The following ATP8A2 variants were observed in gnomAD, a reference collection of about 807,000 sequenced individuals.
ATP8A2 encodes ATPase phospholipid transporting 8A2.
Under a neutral mutation model 165.6 loss-of-function variants are expected in ATP8A2, and 100 were observed. The ratio of observed to expected loss-of-function variants is 0.60; its 90% CI spans 0.51 to 0.71. ATP8A2 has a LOEUF of 0.71. ATP8A2 is among the 30% of genes least tolerant of loss of function. The pLI, the probability that ATP8A2 is intolerant of heterozygous loss-of-function variation, is 0.00. For synonymous variants in ATP8A2, 543 were observed against 548.8 expected, an observed-to-expected ratio of 0.99 and a Z score of 0.15; for missense variants, 1,227 against 1,479.5, an observed-to-expected ratio of 0.83 and a Z score of 2.80.
intron 24 of ATP8A2, among the ~76,000 whole-genome samples, chr13:25,626,271 G>A (rs1220406596): frequency 6.6e-6 from 1 of 152,142 alleles, no homozygotes; most frequent in Non-Finnish European, 1.5e-5. Context: ...TTTAGCTAAT[G>A]GTTCTGGAGG....
At chr13:25,561,525 A>G (rs1447657147) in intron 15 of ATP8A2, among the ~76,000 whole-genome samples, 1 of 149,874 alleles carries the variant, frequency 6.7e-6, no homozygotes, top group Admixed American at 6.6e-5. Flanking sequence ...CACCCTCCCT[A>G]CTGCCCACCC....
intron 35 of ATP8A2, among the ~76,000 whole-genome samples, chr13:26,009,990 T>C (rs1192148884): frequency 2.6e-5 from 4 of 152,066 alleles, no homozygotes; most frequent in Non-Finnish European, 5.9e-5. Flanking sequence ...CGCTTGAACC[T>C]AGTAGGCAGA....
At chr13:25,498,343 A>C (rs887872261) in intron 2 of ATP8A2, among the ~76,000 whole-genome samples, 1 of 152,226 alleles carries the variant, frequency 6.6e-6, no homozygotes, top group Non-Finnish European at 1.5e-5. Context: ...ATTTCTCATC[A>C]TAGAAATAAA....
chr13:25,742,742 G>A (rs1305124260), intron 25 of ATP8A2, among the ~76,000 whole-genome samples: 1 of 150,256 alleles, frequency 6.7e-6, no homozygotes, highest in East Asian at 2.0e-4. Context: ...TATGAGCTGG[G>A]AACTCATGAC....
chr13:25,683,233 C>T (rs74042142), intron 24 of ATP8A2, among the ~76,000 whole-genome samples: 7,693 of 152,182 alleles, frequency 0.051, 652 homozygotes, highest in African/African-American at 0.17. Flanking sequence ...GACATTAAGC[C>T]TGTAGCAGCT....
chr13:25,499,488 C>T (rs1248555682), intron 2 of ATP8A2, among the ~76,000 whole-genome samples: 1 of 152,140 alleles, frequency 6.6e-6, no homozygotes, highest in Non-Finnish European at 1.5e-5. Flanking sequence ...GCTATGTGAG[C>T]CTGGGCCAGT....
At chr13:25,671,935 T>C (rs894774856) in intron 24 of ATP8A2, among the ~76,000 whole-genome samples, 7 of 152,166 alleles carry the variant, frequency 4.6e-5, no homozygotes, top group African/African-American at 1.2e-4. Context: ...TCACGGGACC[T>C]ACCGACGTGT....
chr13:25,471,608 G>T (rs2035848866), intron 2 of ATP8A2, among the ~76,000 whole-genome samples: 1 of 152,202 alleles, frequency 6.6e-6, no homozygotes, highest in South Asian at 2.1e-4. Context: ...CTCCCAAAGT[G>T]CTGGAATTAC....
At chr13:25,870,544 G>T (rs1030306819) in intron 33 of ATP8A2, among the ~76,000 whole-genome samples, 8 of 152,126 alleles carry the variant, frequency 5.3e-5, no homozygotes, top group African/African-American at 1.9e-4. Context: ...TTTAATATAT[G>T]CAGTTACATG....
At chr13:25,964,749 A>G (rs941164082) in intron 34 of ATP8A2, among the ~76,000 whole-genome samples, 3 of 152,208 alleles carry the variant, frequency 2.0e-5, no homozygotes, top group Non-Finnish European at 4.4e-5. Flanking sequence ...TGATGGCAGC[A>G]TGTGGTGATG....
intron 33 of ATP8A2, among the ~76,000 whole-genome samples, chr13:25,960,509 G>T (rs1032948733): frequency 1.3e-5 from 2 of 152,148 alleles, no homozygotes; most frequent in East Asian, 3.9e-4. Context: ...AGGACCAAAT[G>T]TTTGAGGCCT....
At chr13:25,944,476 CA>C (rs1160306189) in intron 33 of ATP8A2, 1 of 152,140 alleles carries the variant, frequency 6.6e-6, no homozygotes, top group Non-Finnish European at 1.5e-5. Flanking sequence ...CACTGCACTC[CA>C]GCCTGGGCAA....
At chr13:25,800,336 A>G (rs1261608709) in intron 27 of ATP8A2, among the ~76,000 whole-genome samples, 1 of 152,260 alleles carries the variant, frequency 6.6e-6, no homozygotes, top group African/African-American at 2.4e-5. Context: ...TCAGAGCAGG[A>G]AAGGAAATAA....
chr13:25,720,372 CA>C (rs1465102184), intron 25 of ATP8A2, among the ~76,000 whole-genome samples: 1 of 151,848 alleles, frequency 6.6e-6, no homozygotes, highest in Non-Finnish European at 1.5e-5. Context: ...CCGTGTTCAC[CA>C]GGATGGTCTC....
chr13:25,500,318 T>C (rs2036815592), intron 2 of ATP8A2, among the ~76,000 whole-genome samples: 1 of 152,220 alleles, frequency 6.6e-6, no homozygotes, highest in Non-Finnish European at 1.5e-5. Context: ...AGAGCTTTTC[T>C]GAAGGTGTAA....
intron 24 of ATP8A2, among the ~76,000 whole-genome samples, chr13:25,612,113 T>C (rs1164754188): frequency 6.6e-6 from 1 of 152,020 alleles, no homozygotes; most frequent in South Asian, 2.1e-4. Flanking sequence ...ATCTTTTGTA[T>C]TTTTTTGTTT....
chr13:25,973,007 G>A (rs1269443167), intron 35 of ATP8A2, among the ~76,000 whole-genome samples: 1 of 152,152 alleles, frequency 6.6e-6, no homozygotes, highest in Non-Finnish European at 1.5e-5. Flanking sequence ...AGGAGAGCTT[G>A]TTCTATTTCT....
chr13:25,406,791 T>C (rs1255506002), intron 1 of ATP8A2, among the ~76,000 whole-genome samples: 6 of 152,252 alleles, frequency 3.9e-5, no homozygotes, highest in Non-Finnish European at 5.9e-5. Flanking sequence ...CCAGAAAATA[T>C]GTTATCTCTT....
intron 2 of ATP8A2, among the ~76,000 whole-genome samples, chr13:25,520,970 T>TA (rs1206893674): frequency 6.6e-6 from 1 of 152,222 alleles, no homozygotes; most frequent in Non-Finnish European, 1.5e-5. Context: ...TGTACCAATT[T>TA]ACTTTCCCAC....
Sources: gnomAD v4.1 joint callset for allele counts (sites outside exome capture counted in the v4.1 genomes callset) on GRCh38, gnomAD v4.1.1 for gene constraint, MANE v1.5 for transcripts, NCBI Gene and HGNC (gene_info 2026-07-23, HGNC 2026-07-21) for gene names.